Variants in OR9Q1 observed in about 807,000 individuals in gnomAD.
OR9Q1 encodes olfactory receptor family 9 subfamily Q member 1.
For missense variants in OR9Q1, 374 were observed against 378.8 expected (o/e 0.99, Z 0.11); for synonymous variants, 153 against 148.6 (o/e 1.03, Z -0.22).
At chr11:58,033,093 A>T (rs1853059797) in intron 1 of OR9Q1, among the ~76,000 whole-genome samples, 2 of 152,222 alleles carry the variant, frequency 1.3e-5, no homozygotes, top group Non-Finnish European at 2.9e-5. Flanking sequence ...ATTATCAAAG[A>T]GTCAAAAAAT....
chr11:58,081,650 C>G (rs1409236930), intron 2 of OR9Q1, among the ~76,000 whole-genome samples: 1 of 152,060 alleles, frequency 6.6e-6, no homozygotes, highest in Non-Finnish European at 1.5e-5. Context: ...CCTTTGCCTA[C>G]TTTTTGATGG....
chr11:58,091,964 C>G (rs1853688127), intron 2 of OR9Q1, among the ~76,000 whole-genome samples: 1 of 148,088 alleles, frequency 6.8e-6, no homozygotes, highest in South Asian at 2.2e-4. Flanking sequence ...GATTGCAACC[C>G]TTGCCTTTTT....
chr11:58,070,969 T>C (rs1853481991), intron 2 of OR9Q1, among the ~76,000 whole-genome samples: 3 of 152,222 alleles, frequency 2.0e-5, no homozygotes, highest in South Asian at 4.1e-4. Context: ...CTAGAAGTCA[T>C]GGGTTGATCT....
At chr11:58,094,946 G>A (rs1273861581) in intron 2 of OR9Q1, among the ~76,000 whole-genome samples, 5 of 152,130 alleles carry the variant, frequency 3.3e-5, no homozygotes, top group Non-Finnish European at 7.4e-5. Context: ...ACTTCCACAA[G>A]GGATGATAGA....
chr11:58,168,620 TC>T (rs1854527421), intron 2 of OR9Q1, among the ~76,000 whole-genome samples: 1 of 152,160 alleles, frequency 6.6e-6, no homozygotes, highest in South Asian at 2.1e-4. Context: ...CTCTTTTTTT[TC>T]CCTTTGGACT....
intron 1 of OR9Q1, chr11:58,044,610 T>C (rs1853198342): frequency 6.6e-6 from 1 of 152,284 alleles, no homozygotes; most frequent in Non-Finnish European, 1.5e-5. Flanking sequence ...AAACCCCTCT[T>C]TATCACGTTT....
chr11:58,027,516 A>G (rs963956168), intron 1 of OR9Q1, among the ~76,000 whole-genome samples: 3 of 152,230 alleles, frequency 2.0e-5, no homozygotes, highest in Non-Finnish European at 4.4e-5. Context: ...TATGTGGCGG[A>G]AACTGCCTGT....
chr11:58,132,891 G>T (rs1854155346), intron 2 of OR9Q1, among the ~76,000 whole-genome samples: 1 of 152,164 alleles, frequency 6.6e-6, no homozygotes, highest in Non-Finnish European at 1.5e-5. Context: ...CTTTGCTCCA[G>T]TCTTCTAATT....
At chr11:58,061,543 T>G (rs753526245) in intron 2 of OR9Q1, among the ~76,000 whole-genome samples, 4 of 152,214 alleles carry the variant, frequency 2.6e-5, no homozygotes, top group Non-Finnish European at 4.4e-5. Flanking sequence ...AACTAGCGTT[T>G]GTAAGATCCA....
At chr11:58,177,760 G>A (rs961489803) in intron 2 of OR9Q1, among the ~76,000 whole-genome samples, 4 of 152,190 alleles carry the variant, frequency 2.6e-5, no homozygotes, top group Non-Finnish European at 5.9e-5. Context: ...CATGTGTATA[G>A]CACATTTCCC....
chr11:58,124,785 T>A (rs1383031029), intron 2 of OR9Q1: 2 of 152,210 alleles, frequency 1.3e-5, no homozygotes, highest in Non-Finnish European at 2.9e-5. Context: ...ACCCCAGAGT[T>A]GGAGTGTTGA....
chr11:58,169,980 G>T (rs538589253), intron 2 of OR9Q1, among the ~76,000 whole-genome samples: 2 of 151,802 alleles, frequency 1.3e-5, no homozygotes, highest in African/African-American at 4.8e-5. Flanking sequence ...GACTCCTTTG[G>T]TTTTTGAACC....
chr11:58,045,701 C>T (rs1189995697), intron 1 of OR9Q1, among the ~76,000 whole-genome samples: 2 of 152,170 alleles, frequency 1.3e-5, no homozygotes, highest in African/African-American at 4.8e-5. Flanking sequence ...CTCATCAAAT[C>T]CCTTTGTTTA....
chr11:58,161,970 C>T (rs1241824950), intron 2 of OR9Q1, among the ~76,000 whole-genome samples: 1 of 152,206 alleles, frequency 6.6e-6, no homozygotes, highest in African/African-American at 2.4e-5. Flanking sequence ...TTCCTCGCCT[C>T]CTTAAAGCAT....
intron 1 of OR9Q1, among the ~76,000 whole-genome samples, chr11:58,054,870 G>A (rs1405769619): frequency 6.6e-6 from 1 of 152,208 alleles, no homozygotes; most frequent in African/African-American, 2.4e-5. Flanking sequence ...GTTGCAGTGA[G>A]CCAAGATCGC....
intron 2 of OR9Q1, among the ~76,000 whole-genome samples, chr11:58,158,248 T>C (rs933757574): frequency 1.3e-5 from 2 of 152,162 alleles, no homozygotes; most frequent in Non-Finnish European, 2.9e-5. Flanking sequence ...CATACATAAG[T>C]AGTCAGTTCA....
intron 2 of OR9Q1, among the ~76,000 whole-genome samples, chr11:58,056,945 C>T (rs536473372): frequency 6.7e-6 from 1 of 149,340 alleles, no homozygotes; most frequent in East Asian, 2.0e-4. Flanking sequence ...AATTACTGAT[C>T]TGTACCCACT....
chr11:58,165,983 C>T (rs1023219847), intron 2 of OR9Q1, among the ~76,000 whole-genome samples: 2 of 152,162 alleles, frequency 1.3e-5, no homozygotes, highest in Non-Finnish European at 2.9e-5. Flanking sequence ...ATTTCTTCTC[C>T]GATGTCTTTC....
intron 2 of OR9Q1, among the ~76,000 whole-genome samples, chr11:58,096,799 G>GA (rs2120077462): frequency 6.6e-6 from 1 of 151,740 alleles, no homozygotes; most frequent in Non-Finnish European, 1.5e-5. Context: ...CATCTTCCGG[G>GA]TTCAAGCAAT....
Sources: gnomAD v4.1 joint callset for allele counts (sites outside exome capture counted in the v4.1 genomes callset) on GRCh38, gnomAD v4.1.1 for gene constraint, MANE v1.5 for transcripts, NCBI Gene and HGNC (gene_info 2026-07-23, HGNC 2026-07-21) for gene names.